TSPEAR: variants seen among roughly 807,000 people sequenced by gnomAD.
TSPEAR encodes the protein thrombospondin-type laminin G domain and EAR repeat-containing protein.
Under a neutral mutation model 71.6 loss-of-function variants are expected in TSPEAR, and 69 were observed. That is an observed-to-expected ratio of 0.96 (90% CI 0.79 to 1.18). The LOEUF (loss-of-function observed/expected upper bound fraction) is 1.18. Ranked by LOEUF, TSPEAR falls within the 50% of genes most tolerant of loss-of-function variation. The probability of loss-of-function intolerance (pLI) is 0.00; values close to 1 mark genes in which losing one functional copy is unlikely to be tolerated. For missense variants in TSPEAR, 971 were observed against 894.9 expected, an observed-to-expected ratio of 1.09 and a Z score of -1.09; for synonymous variants, 402 against 387.2, an observed-to-expected ratio of 1.04 and a Z score of -0.45.
intron 2 of TSPEAR, among the ~76,000 whole-genome samples, chr21:44,536,799 AT>A (rs1172373902): frequency 6.6e-6 from 1 of 152,242 alleles, no homozygotes. Flanking sequence ...AAGAAAATCA[AT>A]GACAAACTGT....
At chr21:44,631,138 C>T (rs2876970) in intron 1 of TSPEAR, among the ~76,000 whole-genome samples, 6 of 151,794 alleles carry the variant, frequency 4.0e-5, no homozygotes, top group Admixed American at 3.3e-4. Flanking sequence ...TGAATTTACT[C>T]GACAAAGTCT....
At chr21:44,656,493 C>T (rs1231518750) in intron 1 of TSPEAR, among the ~76,000 whole-genome samples, 1 of 152,126 alleles carries the variant, frequency 6.6e-6, no homozygotes, top group East Asian at 1.9e-4. Flanking sequence ...GAAGTTGTTC[C>T]ATTGTCTTCT....
chr21:44,702,269 G>GCTGCTGCGAGCCCCC (rs1987686777), intron 1 of TSPEAR: 1 of 1,607,286 alleles, frequency 6.2e-7, no homozygotes, highest in Non-Finnish European at 8.5e-7. Flanking sequence ...TGCCCGGAGA[G>GCTGCTGCGAGCCCCC]CTGCTGCGAG....
intron 1 of TSPEAR, chr21:44,677,506 C>T: frequency 1.2e-6 from 1 of 818,120 alleles, no homozygotes; most frequent in East Asian, 2.5e-5. Flanking sequence ...TCCTCTTGTG[C>T]AAGGCAAGCT....
In TSPEAR at chr21:44,521,873, G is replaced by A. The variant is rs587748100; in HGVS notation, c.1566+10C>T. 555 of 1,612,034 alleles carry A rather than the reference G, an allele frequency of 3.4e-4. No homozygotes were observed. Among genetic ancestry groups the A allele is most frequent in the Non-Finnish European group, 4.6e-4 (542 of 1,178,754 alleles). ...CAATGGAGAGCCGGGGCTCATGCGG[G>A]GGGCCTTACCGGGAAGGACTGGAAG... On this transcript the variant is annotated intron_variant, in intron 9 of 11. Transcript: ENST00000323084.
At chr21:44,683,635 T>C (rs1126381) in intron 1 of TSPEAR, among the ~76,000 whole-genome samples, 97,392 of 151,890 alleles carry the variant, frequency 0.64, 31,386 homozygotes, top group South Asian at 0.72. Context: ...CACCACTGCA[T>C]TCCAGCCAGG....
chr21:44,558,329 G>C, intron 2 of TSPEAR: 3 of 1,613,528 alleles, frequency 1.9e-6, no homozygotes, highest in East Asian at 2.2e-5. Flanking sequence ...AAGCCCCAGA[G>C]CAGACGGGCA....
intron 9 of TSPEAR, chr21:44,516,154 A>G (rs1555913395): frequency 6.6e-6 from 1 of 152,264 alleles, no homozygotes; most frequent in Non-Finnish European, 1.5e-5. Context: ...ACCACCTTCC[A>G]GAAATCTCCA....
intron 2 of TSPEAR, chr21:44,551,210 A>G: frequency 6.3e-7 from 1 of 1,586,678 alleles, no homozygotes; most frequent in Non-Finnish European, 8.7e-7. Flanking sequence ...GCTGGCAGCT[A>G]GACTGCTGGC....
intron 2 of TSPEAR, among the ~76,000 whole-genome samples, chr21:44,547,709 C>T (rs1296254755): frequency 6.6e-6 from 1 of 152,178 alleles, no homozygotes; most frequent in East Asian, 1.9e-4. Context: ...TAGCTGGGCT[C>T]TGTGTATTGG....
rs512211 is a variant in TSPEAR at position 44,600,636 on chromosome 21, T to C, written c.83-32631A>G. The C allele has an allele frequency of 3.0e-3, 4,799 of 1,612,604 alleles. 123 individuals carry two copies. The African/African-American group carries it at 0.057, about 19-fold the overall frequency. ...CAATCCCCAGCATGGCTGCGTCCAC[T>C]ATGTCTGTCTGCTCCAGCGACCTGA... On this transcript the variant is annotated intron_variant, in intron 1 of 11. Transcript: ENST00000323084.
intron 1 of TSPEAR, chr21:44,677,411 C>T (rs587737079): frequency 2.0e-5 from 21 of 1,069,728 alleles, no homozygotes; most frequent in South Asian, 3.8e-5. Flanking sequence ...GAGCTGCAAT[C>T]GCCTGCAGAG....
At chr21:44,684,222 A>G (rs1986751810) in intron 1 of TSPEAR, among the ~76,000 whole-genome samples, 1 of 152,230 alleles carries the variant, frequency 6.6e-6, no homozygotes, top group Non-Finnish European at 1.5e-5. Context: ...TACATCTATG[A>G]AGAACGTGCT....
At chr21:44,628,038 G>A (rs372627423) in intron 1 of TSPEAR, 52 of 1,612,382 alleles carry the variant, frequency 3.2e-5, no homozygotes, top group Non-Finnish European at 3.8e-5. Context: ...CAGGCCAGAA[G>A]TCCAGCTGCT....
chr21:44,570,107 A>C (rs1484659634), intron 1 of TSPEAR, among the ~76,000 whole-genome samples: 3 of 152,070 alleles, frequency 2.0e-5, no homozygotes, highest in African/African-American at 7.3e-5. Flanking sequence ...CCACCTCCTC[A>C]ATGAGGAAAC....
chr21:44,524,650 GTAGT>G (rs1234692551), intron 8 of TSPEAR, among the ~76,000 whole-genome samples: 2 of 151,842 alleles, frequency 1.3e-5, no homozygotes, highest in East Asian at 1.9e-4. Context: ...AGTCAGTTAG[GTAGT>G]TAGTCATCAG....
Position 44,658,110 on chromosome 21 carries a change from T to C in TSPEAR, c.82+53323A>G, listed in dbSNP as rs1679099175. 6.2e-7 allele frequency: 1 copy of C among 1,613,254 alleles called. No individual in the cohort carries two copies. Among genetic ancestry groups the C allele is most frequent in the African/African-American group, 1.3e-5 (1 of 74,776 alleles). ...ATGCCCGTGAGCTGCACGCGCATTG[T>C]GTGCGTGGCTCCCTCCTGCCAGCCC... On this transcript the variant is annotated intron_variant, in intron 1 of 11. Coordinates refer to ENST00000323084, the MANE Select transcript of TSPEAR (RefSeq NM_144991.3).
At chr21:44,548,915 A>C (rs1198721397) in intron 2 of TSPEAR, among the ~76,000 whole-genome samples, 1 of 152,258 alleles carries the variant, frequency 6.6e-6, no homozygotes, top group African/African-American at 2.4e-5. Context: ...AAACACCCAC[A>C]GAGGTGTTAG....
chr21:44,646,964 G>T, intron 1 of TSPEAR: 9 of 1,612,720 alleles, frequency 5.6e-6, no homozygotes, highest in Non-Finnish European at 7.6e-6. Context: ...TCTTCATGCT[G>T]CCAGCAGTCT....
Sources: allele counts gnomAD v4.1 joint callset (sites outside exome capture counted in the v4.1 genomes callset), GRCh38; gene constraint gnomAD v4.1.1; transcripts MANE v1.5; gene names NCBI Gene and HGNC (gene_info 2026-07-23, HGNC 2026-07-21).